Variants in CRLS1 observed in about 807,000 individuals in gnomAD.
CRLS1 encodes cardiolipin synthase 1.
Under a neutral mutation model 37.0 loss-of-function variants are expected in CRLS1, and 24 were observed. The ratio of observed to expected loss-of-function variants is 0.65; its 90% CI spans 0.47 to 0.91. The LOEUF (loss-of-function observed/expected upper bound fraction) is 0.91, where lower values mean the gene tolerates loss of function less well. CRLS1 is among the 40% of genes least tolerant of loss of function. The pLI is 0.00. For synonymous variants in CRLS1, 135 were observed against 159.7 expected, an observed-to-expected ratio of 0.85 and a Z score of 1.17; for missense variants, 373 against 395.8, an observed-to-expected ratio of 0.94 and a Z score of 0.49.
chr20:6,006,467 A>T lies in CRLS1; in HGVS notation c.221A>T (p.Lys74Met). ...CGGAACCACTGTTCGGGCGCGGGGA[A>T]GGCGGCTCCCAGGCCAGCGGCCGGA... Reference protein sequence around the residue: ...GQRNHCSGAGKAAPRPAAGAG... With the variant: ...GQRNHCSGAGMAAPRPAAGAG... Residue 74 changes from lysine (K) to methionine (M), a missense_variant, in exon 1 of 7, where the codon AAG (lysine) becomes ATG (methionine). Coordinates refer to ENST00000378863, the MANE Select transcript of CRLS1 (RefSeq NM_019095.6). 7.1e-7 allele frequency: 1 copy of T among 1,401,594 alleles called. No individual in the cohort carries two copies. Among genetic ancestry groups the T allele is most frequent in the Non-Finnish European group, 9.3e-7 (1 of 1,080,104 alleles). The allele number at this position is 1,401,594 out of a possible 1,614,324, so 86.8% of individuals were successfully genotyped here.
chr20:6,016,453 G>GT (rs58269656), intron 3 of CRLS1, among the ~76,000 whole-genome samples: 3,065 of 109,276 alleles, frequency 0.028, 98 homozygotes, highest in African/African-American at 0.096. Flanking sequence ...TGGGGAATGG[G>GT]GGTGTGTGTG....
intron 1 of CRLS1, among the ~76,000 whole-genome samples, chr20:6,009,503 G>C (rs1352909329): frequency 6.6e-6 from 1 of 151,896 alleles, no homozygotes; most frequent in Non-Finnish European, 1.5e-5. Flanking sequence ...CTGGGCTTAA[G>C]GGATCCTCCC....
chr20:6,008,562 T>C (rs1265172567), intron 1 of CRLS1, among the ~76,000 whole-genome samples: 1 of 152,242 alleles, frequency 6.6e-6, no homozygotes, highest in Non-Finnish European at 1.5e-5. Context: ...ATGGGAGCTG[T>C]GAAAGTCCTT....
At chr20:6,025,604 G>A (rs1979611947) in intron 3 of CRLS1, among the ~76,000 whole-genome samples, 1 of 152,200 alleles carries the variant, frequency 6.6e-6, no homozygotes, top group Non-Finnish European at 1.5e-5. Context: ...GGCTATAGGT[G>A]ACGTAGATAG....
Position 6,017,977 on chromosome 20 carries a change from G to T in CRLS1, c.574+2487G>T, listed in dbSNP as rs548077668. Among the ~76,000 whole-genome samples the T allele has an allele frequency of 2.6e-5, 4 of 152,114 alleles. 1 individual carries two copies. Among genetic ancestry groups the T allele is most frequent in the South Asian group, 4.2e-4 (2 of 4,810 alleles). ...TTGCCCCTGTAATCGCAGCACTTTGGGGGGCTGAGGTGGGCGGATCACTTG... is the reference window on the plus strand; with the variant it reads ...TTGCCCCTGTAATCGCAGCACTTTGTGGGGCTGAGGTGGGCGGATCACTTG... On this transcript the variant is annotated intron_variant, in intron 3 of 6. Transcript: ENST00000378863.
intron 3 of CRLS1, among the ~76,000 whole-genome samples, chr20:6,024,698 G>T (rs1979538475): frequency 2.6e-5 from 4 of 152,182 alleles, no homozygotes; most frequent in African/African-American, 9.6e-5. Flanking sequence ...GTGCCAAATA[G>T]CTAGCCAAGT....
chr20:6,029,506 C>T (rs1329505022), intron 3 of CRLS1, among the ~76,000 whole-genome samples: 1 of 152,108 alleles, frequency 6.6e-6, no homozygotes, highest in Non-Finnish European at 1.5e-5. Context: ...GGATTACAGG[C>T]ATGCCACCAC....
Position 6,038,192 on chromosome 20 carries a change from T to TG in CRLS1, c.*1035dup, listed in dbSNP as rs947046067. On this transcript the variant is annotated 3_prime_UTR_variant, in exon 7 of 7. Coordinates refer to ENST00000378863, the MANE Select transcript of CRLS1 (RefSeq NM_019095.6). ...TGACCATCTGACTTTAAAAGACTGTTGCTACACGTACATCATGTTTAGGAG... is the reference window on the plus strand; with the variant it reads ...TGACCATCTGACTTTAAAAGACTGTTGGCTACACGTACATCATGTTTAGGAG... 1 of 152,240 alleles carries TG rather than the reference T, an allele frequency of 6.6e-6. No homozygotes were observed. The highest frequency in any genetic ancestry group is 1.5e-5 in the Non-Finnish European group (1 of 68,042). 9.4% of individuals were successfully genotyped at this position (152,240 alleles called of 1,614,324 possible).
At chr20:6,008,046 C>A (rs1007858794) in intron 1 of CRLS1, among the ~76,000 whole-genome samples, 1 of 150,378 alleles carries the variant, frequency 6.6e-6, no homozygotes, top group African/African-American at 2.4e-5. Context: ...TGCTTTCTTG[C>A]TGGGTTTCTT....
chr20:6,016,434 G>A (rs1378530817), intron 3 of CRLS1, among the ~76,000 whole-genome samples: 1 of 146,224 alleles, frequency 6.8e-6, no homozygotes, highest in East Asian at 2.0e-4. Flanking sequence ...ATTGAGGTGT[G>A]TATGTGATTG....
intron 3 of CRLS1, among the ~76,000 whole-genome samples, chr20:6,024,097 G>C (rs6053833): frequency 6.6e-6 from 1 of 151,766 alleles, no homozygotes; most frequent in African/African-American, 2.4e-5. Flanking sequence ...AGACTACAGA[G>C]GTACACCACC....
At chr20:6,025,224 A>G (rs768966504) in intron 3 of CRLS1, among the ~76,000 whole-genome samples, 10 of 152,230 alleles carry the variant, frequency 6.6e-5, no homozygotes, top group Admixed American at 2.0e-4. Context: ...CTAGAGGCCA[A>G]TGAAGCCAGT....
chr20:6,039,555 TTTC>T lies in CRLS1; in HGVS notation c.*2403_*2405del, dbSNP rs1008603376. 1 of 152,182 alleles carries T rather than the reference TTTC, an allele frequency of 6.6e-6. No individual in the cohort carries two copies. Among genetic ancestry groups the T allele is most frequent in the Admixed American group, 6.6e-5 (1 of 15,266 alleles). The allele number at this position is 152,182 out of a possible 1,614,324, so 9.4% of individuals were successfully genotyped here. A position where few individuals can be genotyped will look rare whatever the true frequency, so the allele number is the denominator to read the frequency against. ...TACATAGGATTTAAACTCGATTTGT[TTTC>T]TTCTTACAGTAGAAGTAAATGCTCT... On this transcript the variant is annotated 3_prime_UTR_variant, in exon 7 of 7. Coordinates refer to ENST00000378863, the MANE Select transcript of CRLS1 (RefSeq NM_019095.6).
Position 6,012,006 on chromosome 20 carries a change from G to A in CRLS1, c.444+2094G>A, listed in dbSNP as rs575189243. Among the ~76,000 whole-genome samples, 317 of 148,786 alleles carry A rather than the reference G, an allele frequency of 2.1e-3. 2 individuals carry two copies. Among genetic ancestry groups the A allele is most frequent in the African/African-American group, 7.6e-3 (310 of 40,550 alleles). ...ACAGACAAGATCTTTTTCAGTTACT[G>A]TAGTCTCCTTTTTTGTCTGCTACGT... On this transcript the variant is annotated intron_variant, in intron 2 of 6. Transcript: ENST00000378863.
chr20:6,028,628 G>A (rs1365378354), intron 3 of CRLS1: 1 of 152,148 alleles, frequency 6.6e-6, no homozygotes, highest in African/African-American at 2.4e-5. Context: ...AATAAAACTT[G>A]TCCATGATGT....
chr20:6,015,619 A>G lies in CRLS1; in HGVS notation c.574+129A>G, dbSNP rs766565563. 3.6e-5 allele frequency: 32 copies of G among 885,714 alleles called. No homozygotes were observed. The Admixed American group carries it at 5.3e-4, about 15-fold the overall frequency. The allele number at this position is 885,714 out of a possible 1,614,324, so 54.9% of individuals were successfully genotyped here. ...GTTTTCAACTTTAAACTGTTTCCCTAATTTTAAACTGTTGAACTGTTTTGT... is the reference window on the plus strand; with the variant it reads ...GTTTTCAACTTTAAACTGTTTCCCTGATTTTAAACTGTTGAACTGTTTTGT... On this transcript the variant is annotated intron_variant, in intron 3 of 6. Coordinates refer to ENST00000378863, the MANE Select transcript of CRLS1 (RefSeq NM_019095.6).
At chr20:6,032,269 A>G (rs916155024) in intron 5 of CRLS1, among the ~76,000 whole-genome samples, 189 bp downstream of exon 5, 1 of 151,428 alleles carries the variant, frequency 6.6e-6, no homozygotes, top group African/African-American at 2.4e-5. Flanking sequence ...ATCCTTATAC[A>G]TGTTGTGCCT....
chr20:6,007,544 T>C (rs762313562), intron 1 of CRLS1: 2 of 847,246 alleles, frequency 2.4e-6, no homozygotes, highest in Admixed American at 4.3e-5. Flanking sequence ...CTCCCTTCAC[T>C]GTTCCAGCAA....
In CRLS1 at chr20:6,006,224, C is replaced by T. The variant is rs1046699491; in HGVS notation, c.-23C>T. ...GCTGCTGAGCTCTCGCCGCCCGAGA[C>T]CCCGCGGCGCGGCCGCAGGGCCATG... On this transcript the variant is annotated 5_prime_UTR_variant, in exon 1 of 7. Coordinates refer to ENST00000378863, the MANE Select transcript of CRLS1 (RefSeq NM_019095.6). 1.3e-5 allele frequency: 16 copies of T among 1,211,344 alleles called. No individual in the cohort carries two copies. In the African/African-American group the frequency reaches 2.4e-4, roughly 18 times the overall value. 75.0% of individuals were successfully genotyped at this position (1,211,344 alleles called of 1,614,324 possible). A position where few individuals can be genotyped will look rare whatever the true frequency, so the allele number is the denominator to read the frequency against.
Sources: allele counts gnomAD v4.1 joint callset (sites outside exome capture counted in the v4.1 genomes callset), GRCh38; gene constraint gnomAD v4.1.1; transcripts MANE v1.5; gene names NCBI Gene and HGNC (gene_info 2026-07-23, HGNC 2026-07-21).